The following LRRC53 variants were observed in gnomAD, a reference collection of about 807,000 sequenced individuals.
The protein encoded by LRRC53 is leucine-rich repeat-containing protein 53.
LRRC53 carries 25 observed loss-of-function variants against 13.6 expected under a neutral mutation model. That is an observed-to-expected ratio of 1.83 (90% CI 1.34 to 2.56). The LOEUF is 2.56. LRRC53 is among the 30% of genes most tolerant of loss of function. The pLI, the probability that LRRC53 is intolerant of heterozygous loss-of-function variation, is 0.00. For synonymous variants in LRRC53, 204 were observed against 109.8 expected (o/e 1.86, Z -5.37); for missense variants, 527 against 275.8 (o/e 1.91, Z -6.45).
intron 1 of LRRC53, among the ~76,000 whole-genome samples, chr1:74,502,531 T>G (rs904623367): frequency 6.6e-6 from 1 of 152,230 alleles, no homozygotes; most frequent in African/African-American, 2.4e-5. Flanking sequence ...GAGACTTAAC[T>G]TTGCCAACAT....
In LRRC53 at chr1:74,475,823, G is replaced by C. The variant is rs1255492901; in HGVS notation, c.905-13C>G. 3.5e-6 allele frequency: 2 copies of C among 574,794 alleles called. No homozygotes were observed. Among genetic ancestry groups the C allele is most frequent in the East Asian group, 2.8e-5 (1 of 35,634 alleles). 35.6% of individuals were successfully genotyped at this position (574,794 alleles called of 1,614,324 possible). On this transcript the variant is annotated splice_polypyrimidine_tract_variant and intron_variant, in intron 3 of 4. Transcript: ENST00000294635. Reference sequence around the variant, plus strand: ...AGACCAACAGCTCCTATGACAAATAGAGAGACCATTAAAAGATAACATCTT... The same window carrying C: ...AGACCAACAGCTCCTATGACAAATACAGAGACCATTAAAAGATAACATCTT...
the LRRC53 span, among the ~76,000 whole-genome samples, chr1:74,522,925 A>G: frequency 3.9e-5 from 6 of 152,232 alleles, no homozygotes; most frequent in Non-Finnish European, 1.5e-5. Context: ...AGAAGCCTAC[A>G]CTTCTAACTC....
chr1:74,526,544 G>A, the LRRC53 span, among the ~76,000 whole-genome samples: 4 of 152,180 alleles, frequency 2.6e-5, no homozygotes, highest in African/African-American at 9.6e-5. Context: ...ATGAAAATAA[G>A]AATATCATCT....
chr1:74,513,377 A>G (rs1487901956), upstream of LRRC53, among the ~76,000 whole-genome samples: 2 of 152,212 alleles, frequency 1.3e-5, no homozygotes, highest in South Asian at 2.1e-4. Flanking sequence ...GGGCACTGGT[A>G]GTAGGAGTTG....
At chr1:74,476,167 A>C (rs973946190) in intron 3 of LRRC53, among the ~76,000 whole-genome samples, 5 of 152,162 alleles carry the variant, frequency 3.3e-5, no homozygotes, top group African/African-American at 9.7e-5. Context: ...CTCATAATAG[A>C]GTGAATGACT....
chr1:74,522,240 G>C, the LRRC53 span, among the ~76,000 whole-genome samples: 1 of 152,300 alleles, frequency 6.6e-6, no homozygotes, highest in African/African-American at 2.4e-5. Flanking sequence ...TTCAAAGAGA[G>C]ACATTTAGGA....
chr1:74,530,896 G>A, the LRRC53 span, among the ~76,000 whole-genome samples: 1 of 152,090 alleles, frequency 6.6e-6, no homozygotes, highest in Admixed American at 6.6e-5. Flanking sequence ...TTGAGAGGTG[G>A]TAGTGTTGTT....
intron 1 of LRRC53, among the ~76,000 whole-genome samples, chr1:74,508,649 CTG>C (rs1453529130): frequency 6.6e-6 from 1 of 152,172 alleles, no homozygotes; most frequent in East Asian, 1.9e-4. Context: ...TGCACACAAA[CTG>C]AGAAAACCAA....
intron 1 of LRRC53, chr1:74,489,375 C>T (rs1350943453): frequency 3.2e-5 from 29 of 905,078 alleles, no homozygotes; most frequent in East Asian, 8.3e-5. Context: ...TCCATATTTG[C>T]CCTATTCATT....
intron 1 of LRRC53, among the ~76,000 whole-genome samples, chr1:74,486,900 T>G (rs1668795688): frequency 6.6e-6 from 1 of 152,118 alleles, no homozygotes; most frequent in Non-Finnish European, 1.5e-5. Flanking sequence ...CTATGCCAAG[T>G]GAAATGACCA....
chr1:74,522,276 T>A, the LRRC53 span, among the ~76,000 whole-genome samples: 1 of 152,160 alleles, frequency 6.6e-6, no homozygotes, highest in Non-Finnish European at 1.5e-5. Flanking sequence ...AGCTGCTGCT[T>A]GTACTTGCTA....
the LRRC53 span, among the ~76,000 whole-genome samples, chr1:74,524,429 A>C: frequency 6.6e-6 from 1 of 152,198 alleles, no homozygotes; most frequent in Non-Finnish European, 1.5e-5. Flanking sequence ...CTGTGGCCAC[A>C]GCTAGAGTAT....
rs528371539 is a variant in LRRC53 at position 74,480,953 on chromosome 1, G to T, written c.104C>A (p.Thr35Lys). Residue 35 changes from threonine (T) to lysine (K), a missense_variant, in exon 3 of 5, where the codon ACG becomes AAG. Physicochemically the swap from Thr to Lys is moderately conservative, Grantham distance 78. Transcript: ENST00000294635. ...TCCATCGGTGATGATTAAAACCCTC[G>T]TGGTCATAGGGGCTGCTGTGGGGAA... The part of the protein sequence containing the change: ...LTYIVAAPMT[T>K]RVLIITDGYL... 4.8e-5 allele frequency: 34 copies of T among 714,538 alleles called. No individual in the cohort carries two copies. The highest frequency in any genetic ancestry group is 7.6e-5 in the Non-Finnish European group (29 of 383,568). The allele number at this position is 714,538 out of a possible 1,614,324, so 44.3% of individuals were successfully genotyped here. A position where few individuals can be genotyped will look rare whatever the true frequency, so the allele number is the denominator to read the frequency against.
chr1:74,472,070 G>C lies in LRRC53; in HGVS notation c.1552C>G (p.Pro518Ala). 1 of 716,786 alleles carries C rather than the reference G, an allele frequency of 1.4e-6. No individual in the cohort carries two copies. The highest frequency in any genetic ancestry group is 2.6e-6 in the Non-Finnish European group (1 of 384,792). 44.4% of individuals were successfully genotyped at this position (716,786 alleles called of 1,614,324 possible). ...PIEKEDNGLH[P>A]HRQRHFITSS... Reference sequence around the variant, plus strand: ...GTAATAAAATGTCTTTGCCTATGAGGGTGTAAGCCATTGTCTTCTTTTTCT... The same window carrying C: ...GTAATAAAATGTCTTTGCCTATGAGCGTGTAAGCCATTGTCTTCTTTTTCT... The change falls in exon 5 of 5, where the codon CCT becomes GCT. Residue 518 changes from proline to alanine, a missense_variant. Pro to Ala is a conservative substitution (Grantham distance 27, BLOSUM62 -1). Transcript: ENST00000294635.
rs952962831 is a variant in LRRC53 at position 74,483,277 on chromosome 1, G to C, written c.73C>G (p.Leu25Val). The C allele has an allele frequency of 2.8e-6, 2 of 717,310 alleles. No individual in the cohort carries two copies. The highest frequency in any genetic ancestry group is 4.0e-5 in the Admixed American group (2 of 49,990). 44.4% of individuals were successfully genotyped at this position (717,310 alleles called of 1,614,324 possible). ...GTTTTATTACCTACTATATAGGTTA[G>C]CTGGTGACAGAGGGTTACATCTTTG... is the stretch of plus-strand genomic sequence containing the variant. ...CTKDVTLCHQ[L>V]TYIVAAPMTT... is the part of the protein sequence containing the mutation. Residue 25 changes from leucine (L) to valine (V), a missense_variant, in exon 2 of 5, where the codon CTA becomes GTA. Transcript: ENST00000294635.
At chr1:74,481,018 G>T (rs191350561) in intron 2 of LRRC53, 50 bp from the exon 3 acceptor site, 1 of 659,934 alleles carries the variant, frequency 1.5e-6, no homozygotes, top group African/African-American at 1.8e-5. Flanking sequence ...TGAGTGGGAG[G>T]GAGGGGGTAT....
intron 4 of LRRC53, among the ~76,000 whole-genome samples, chr1:74,473,700 C>T (rs369656140): frequency 1.3e-5 from 2 of 151,944 alleles, no homozygotes; most frequent in East Asian, 1.9e-4. Flanking sequence ...TAAGATCTGC[C>T]GTCAACATTC....
At chr1:74,509,751 T>C (rs975603224) in intron 1 of LRRC53, among the ~76,000 whole-genome samples, 9 of 95,404 alleles carry the variant, frequency 9.4e-5, no homozygotes, top group Admixed American at 9.3e-4. Flanking sequence ...GAATTTCTTT[T>C]TTTTTTTTTT....
At position 74,493,742 on chromosome 1, in the gene LRRC53, C is replaced by A. The variant is rs565837657; in HGVS notation, c.-26-10367G>T. On this transcript the variant is annotated intron_variant, in intron 1 of 4. Coordinates refer to ENST00000294635, the MANE Select transcript of LRRC53 (RefSeq NM_001382280.1). Reference sequence around the variant, plus strand: ...ACACCCACATAGAAAAATGTACTACCTGGGGTATATTCTTCTCACAGACAA... The same window carrying A: ...ACACCCACATAGAAAAATGTACTACATGGGGTATATTCTTCTCACAGACAA... Among the ~76,000 whole-genome samples, 4 of 152,256 alleles carry A rather than the reference C, an allele frequency of 2.6e-5. No homozygotes were observed. The South Asian group carries it at 6.2e-4, about 24-fold the overall frequency.
Sources: gnomAD v4.1 joint callset for allele counts (sites outside exome capture counted in the v4.1 genomes callset) on GRCh38, gnomAD v4.1.1 for gene constraint, MANE v1.5 for transcripts, NCBI Gene and HGNC (gene_info 2026-07-23, HGNC 2026-07-21) for gene names.